PEPD: variants seen among roughly 807,000 people sequenced by gnomAD.
The protein encoded by PEPD is peptidase D, also known as xaa-Pro dipeptidase.
A neutral mutation model predicts 60.7 loss-of-function variants in PEPD; 53 were observed. The ratio of observed to expected loss-of-function variants is 0.87; its 90% confidence interval spans 0.70 to 1.10. The LOEUF is 1.10. Among genes scored for constraint, PEPD ranks in the 50% least tolerant of loss-of-function variants. The pLI is 0.00. For synonymous variants in PEPD, 267 were observed against 284.1 expected, an observed-to-expected ratio of 0.94 and a Z score of 0.60; for missense variants, 711 against 711.9, an observed-to-expected ratio of 1.00 and a Z score of 0.01.
intron 9 of PEPD, among the ~76,000 whole-genome samples, chr19:33,460,852 G>A (rs371291167): frequency 3.3e-5 from 5 of 152,146 alleles, no homozygotes; most frequent in Non-Finnish European, 2.9e-5. Flanking sequence ...GTCCACGCAG[G>A]AGGCGGCAGC....
intron 3 of PEPD, among the ~76,000 whole-genome samples, chr19:33,505,994 A>G (rs893283807): frequency 2.9e-5 from 4 of 140,150 alleles, no homozygotes; most frequent in African/African-American, 1.1e-4. Context: ...CACCTTACAC[A>G]TCACTCACAC....
At chr19:33,482,800 C>A (rs570161265) in intron 6 of PEPD, among the ~76,000 whole-genome samples, 1 of 152,176 alleles carries the variant, frequency 6.6e-6, no homozygotes, top group South Asian at 2.1e-4. Flanking sequence ...AAATGTGGTA[C>A]GTATCCATAG....
intron 9 of PEPD, among the ~76,000 whole-genome samples, chr19:33,461,186 C>T (rs1043629248): frequency 6.6e-6 from 1 of 152,148 alleles, no homozygotes; most frequent in Non-Finnish European, 1.5e-5. Flanking sequence ...GGTGCTATGA[C>T]ACGATGTCTA....
At chr19:33,449,836 C>T (rs1969663779) in intron 9 of PEPD, among the ~76,000 whole-genome samples, 1 of 152,124 alleles carries the variant, frequency 6.6e-6, no homozygotes, top group Non-Finnish European at 1.5e-5. Context: ...CACAGAGAAA[C>T]CAGGGAATGA....
intron 9 of PEPD, among the ~76,000 whole-genome samples, chr19:33,449,334 G>A (rs1969653620): frequency 6.6e-6 from 1 of 152,182 alleles, no homozygotes; most frequent in Admixed American, 6.5e-5. Flanking sequence ...CGCATGGTGG[G>A]GTCAATCAGA....
chr19:33,453,315 A>AAAAAAAAAAAAT (rs1160724030), intron 9 of PEPD, among the ~76,000 whole-genome samples: 5 of 149,680 alleles, frequency 3.3e-5, no homozygotes, highest in Admixed American at 2.7e-4. Flanking sequence ...CACTGTCATA[A>AAAAAAAAAAAAT]AAAAATAAAT....
At chr19:33,489,729 GCC>G (rs1333973878) in intron 6 of PEPD, among the ~76,000 whole-genome samples, 1 of 152,062 alleles carries the variant, frequency 6.6e-6, no homozygotes, top group Non-Finnish European at 1.5e-5. Context: ...ACCTGTGCCT[GCC>G]CCTGCCCTTG....
chr19:33,391,237 G>T (rs1968210236), intron 13 of PEPD, 58 bp downstream of exon 13: 9 of 1,409,434 alleles, frequency 6.4e-6, no homozygotes, highest in Non-Finnish European at 9.0e-6. Context: ...CTGCCCTGGG[G>T]GTCAGGCTCA....
intron 9 of PEPD, among the ~76,000 whole-genome samples, chr19:33,427,785 G>T (rs1408878669): frequency 6.6e-6 from 1 of 152,148 alleles, no homozygotes; most frequent in Non-Finnish European, 1.5e-5. Flanking sequence ...AGAAGAATTT[G>T]TGCTTTTAAT....
intron 9 of PEPD, among the ~76,000 whole-genome samples, chr19:33,424,324 T>C (rs1969096724): frequency 6.6e-6 from 1 of 152,244 alleles, no homozygotes. Context: ...TTGAGGGAAA[T>C]TCGCAATCTG....
chr19:33,401,743 G>A lies in PEPD; in HGVS notation c.945C>T (p.Ala315=), dbSNP rs529524294. 6.8e-6 allele frequency: 11 copies of A among 1,608,908 alleles called. No homozygotes were observed. Among genetic ancestry groups the A allele is most frequent in the South Asian group, 4.4e-5 (4 of 90,238 alleles). The change falls in exon 12 of 15, where the codon GCC becomes GCT. Residue 315 remains alanine, a synonymous_variant. Coordinates refer to ENST00000244137, the MANE Select transcript of PEPD (RefSeq NM_000285.4). ...CACCTGGCTTCATGGCACCCATGAC[G>A]GCACGGGAGCTCCGCAGCACTGCCT... The part of the protein sequence containing the change: ...VYEAVLRSSR[A]VMGAMKPGVW...
chr19:33,512,504 G>A (rs1207711443), intron 2 of PEPD, 89 bp downstream of exon 2: 16 of 1,275,170 alleles, frequency 1.3e-5, no homozygotes, highest in Non-Finnish European at 1.1e-5. Flanking sequence ...ACAAGGGGCA[G>A]CACTGGCCAA....
chr19:33,497,429 C>T (rs951131186), intron 4 of PEPD, among the ~76,000 whole-genome samples: 1 of 152,284 alleles, frequency 6.6e-6, no homozygotes, highest in African/African-American at 2.4e-5. Context: ...GGGCCCCACT[C>T]AAGGTTCTGC....
intron 4 of PEPD, among the ~76,000 whole-genome samples, chr19:33,499,727 G>T (rs1970673695): frequency 6.6e-6 from 1 of 152,176 alleles, no homozygotes; most frequent in Non-Finnish European, 1.5e-5. Flanking sequence ...TCAAAAGATG[G>T]ATAGGAGAAA....
At chr19:33,511,278 G>T in intron 2 of PEPD, 123 bp from the exon 3 acceptor site, 2 of 954,548 alleles carry the variant, frequency 2.1e-6, no homozygotes, top group Non-Finnish European at 3.3e-6. Context: ...ACTGACCCCA[G>T]CCCCAGACAT....
intron 9 of PEPD, among the ~76,000 whole-genome samples, chr19:33,451,344 T>A (rs918977999): frequency 6.6e-6 from 1 of 152,230 alleles, no homozygotes; most frequent in Non-Finnish European, 1.5e-5. Context: ...AACTTAAAAT[T>A]GTTAAATTGT....
rs1271900613 is a variant in PEPD at position 33,398,174 on chromosome 19, C to A, written c.967+3547G>T. 2.0e-5 allele frequency among the ~76,000 whole-genome samples: 3 copies of A among 152,256 alleles called. No homozygotes were observed. In the East Asian group the frequency reaches 5.8e-4, roughly 29 times the overall value. On this transcript the variant is annotated intron_variant, in intron 12 of 14. Transcript: ENST00000244137. Reference sequence around the variant, plus strand: ...GTGGCCTGGTGCTACCTCTGGCACCCTGATGGGCCCGGCACTGCCTGCTGA... The same window carrying A: ...GTGGCCTGGTGCTACCTCTGGCACCATGATGGGCCCGGCACTGCCTGCTGA...
chr19:33,421,210 C>A lies in PEPD; in HGVS notation c.672-7567G>T, dbSNP rs76817355. Among the ~76,000 whole-genome samples, 494 of 152,274 alleles carry A rather than the reference C, an allele frequency of 3.2e-3. 2 individuals carry two copies. Among genetic ancestry groups the A allele is most frequent in the African/African-American group, 0.011 (471 of 41,538 alleles). ...CATGCATCTCTGGTTGAGCAAACAG[C>A]CAGGAGTGGAAATGCTGTGTCACAG... is the stretch of plus-strand genomic sequence containing the variant. On this transcript the variant is annotated intron_variant, in intron 9 of 14. Coordinates refer to ENST00000244137, the MANE Select transcript of PEPD (RefSeq NM_000285.4).
Position 33,521,750 on chromosome 19 carries a change from G to C in PEPD, c.11C>G (p.Ala4Gly). Residue 4 changes from alanine to glycine, a missense_variant, in exon 1 of 15, where the codon GCC becomes GGC. Transcript: ENST00000244137. MAAATGPSFWLGNE... is the reference protein window; with the variant it reads MAAGTGPSFWLGNE... ...AGGGAGGCGCAGCACTCACCCGGTG[G>C]CCGCCGCCATGTTCGCCCGGCACCG... 1 of 1,576,800 alleles carries C rather than the reference G, an allele frequency of 6.3e-7. No individual in the cohort carries two copies. Among genetic ancestry groups the C allele is most frequent in the Non-Finnish European group, 8.6e-7 (1 of 1,166,910 alleles).
Sources: allele counts gnomAD v4.1 joint callset (sites outside exome capture counted in the v4.1 genomes callset), GRCh38; gene constraint gnomAD v4.1.1; transcripts MANE v1.5; gene names NCBI Gene and HGNC (gene_info 2026-07-23, HGNC 2026-07-21).